ULK4: variants seen among roughly 807,000 people sequenced by gnomAD.
ULK4 encodes inactive serine/threonine-protein kinase ULK4.
ULK4 carries 133 observed loss-of-function variants against 160.6 expected under a neutral mutation model. That is an observed-to-expected ratio of 0.83 (90% CI 0.72 to 0.96). The LOEUF (loss-of-function observed/expected upper bound fraction) is 0.96, where lower values mean the gene tolerates loss of function less well. Ranked by LOEUF, ULK4 falls within the 40% of genes least tolerant of loss-of-function variation. The pLI is 0.00. For missense variants in ULK4, 1,580 were observed against 1,499.5 expected, an observed-to-expected ratio of 1.05 and a Z score of -0.89; for synonymous variants, 534 against 539.8, an observed-to-expected ratio of 0.99 and a Z score of 0.15.
intron 25 of ULK4, among the ~76,000 whole-genome samples, chr3:41,708,240 T>C (rs1162747053): frequency 1.3e-5 from 2 of 152,082 alleles, no homozygotes; most frequent in Non-Finnish European, 2.9e-5. Flanking sequence ...TGCACTCCCA[T>C]GTTCACTGCA....
chr3:41,925,646 T>C (rs925210449), intron 5 of ULK4, among the ~76,000 whole-genome samples: 1 of 151,968 alleles, frequency 6.6e-6, no homozygotes, highest in African/African-American at 2.4e-5. Context: ...CAAGCTAAGA[T>C]CCACTGGCTT....
intron 34 of ULK4, among the ~76,000 whole-genome samples, chr3:41,416,971 T>C (rs999930292): frequency 1.3e-5 from 2 of 152,086 alleles, no homozygotes; most frequent in African/African-American, 2.4e-5. Context: ...GAAATGTACA[T>C]GTGATAGGAA....
chr3:41,857,072 C>T (rs2042379584), intron 17 of ULK4, among the ~76,000 whole-genome samples: 1 of 151,012 alleles, frequency 6.6e-6, no homozygotes, highest in South Asian at 2.1e-4. Context: ...TAAGTGGCCA[C>T]TCTCTCCCTC....
At chr3:41,863,618 A>G (rs1450203190) in intron 17 of ULK4, among the ~76,000 whole-genome samples, 1 of 152,016 alleles carries the variant, frequency 6.6e-6, no homozygotes, top group Admixed American at 6.6e-5. Context: ...TGGGGGTATC[A>G]CTGCTGGTTA....
At chr3:41,466,804 G>A (rs1341730634) in intron 32 of ULK4, among the ~76,000 whole-genome samples, 2 of 152,088 alleles carry the variant, frequency 1.3e-5, no homozygotes, top group African/African-American at 4.8e-5. Flanking sequence ...ATGTGCATGT[G>A]TGTGTCCAAA....
chr3:41,692,645 T>C (rs1306126073), intron 27 of ULK4, among the ~76,000 whole-genome samples: 2 of 151,368 alleles, frequency 1.3e-5, no homozygotes. Flanking sequence ...TCAGTCATTA[T>C]TTATTTTAGT....
intron 17 of ULK4, among the ~76,000 whole-genome samples, chr3:41,869,296 A>C (rs1406617845): frequency 6.6e-6 from 1 of 152,262 alleles, no homozygotes; most frequent in Non-Finnish European, 1.5e-5. Flanking sequence ...TGGGCTATAC[A>C]GGGCACCATG....
chr3:41,306,622 G>A (rs1441796898), intron 35 of ULK4, among the ~76,000 whole-genome samples: 8 of 151,684 alleles, frequency 5.3e-5, no homozygotes, highest in South Asian at 2.1e-4. Context: ...CCCTCTGCCC[G>A]GCCACCACCC....
intron 18 of ULK4, among the ~76,000 whole-genome samples, chr3:41,833,576 G>A (rs992139503): frequency 3.9e-5 from 6 of 152,114 alleles, no homozygotes; most frequent in African/African-American, 9.7e-5. Context: ...GATTGCAGGC[G>A]TGAGCCACTG....
chr3:41,626,374 T>C (rs1473681683), intron 30 of ULK4, among the ~76,000 whole-genome samples: 1 of 152,130 alleles, frequency 6.6e-6, no homozygotes, highest in Non-Finnish European at 1.5e-5. Flanking sequence ...TGTATTTAAA[T>C]TAGGATAATT....
chr3:41,548,092 C>T (rs1256662600), intron 32 of ULK4, among the ~76,000 whole-genome samples: 1 of 152,148 alleles, frequency 6.6e-6, no homozygotes, highest in Non-Finnish European at 1.5e-5. Flanking sequence ...ATGGGCTCAT[C>T]TTGCCCGCTG....
chr3:41,538,340 T>A (rs901226702), intron 32 of ULK4, among the ~76,000 whole-genome samples: 6 of 130,036 alleles, frequency 4.6e-5, no homozygotes, highest in Non-Finnish European at 1.1e-4. Context: ...AGCAGTGTCA[T>A]GAATTTCCCT....
chr3:41,537,130 T>C (rs2086530193), intron 32 of ULK4, among the ~76,000 whole-genome samples: 1 of 152,160 alleles, frequency 6.6e-6, no homozygotes, highest in African/African-American at 2.4e-5. Context: ...TCCTCTGGTG[T>C]GGTGTCTATT....
chr3:41,566,213 C>T, intron 31 of ULK4, 83 bp from the exon 32 acceptor site: 1 of 1,057,198 alleles, frequency 9.5e-7, no homozygotes, highest in South Asian at 1.4e-5. Context: ...ATGATGTCCA[C>T]TGCTTCATTC....
chr3:41,281,151 G>T (rs1256439295), intron 35 of ULK4, among the ~76,000 whole-genome samples: 1 of 152,110 alleles, frequency 6.6e-6, no homozygotes, highest in Non-Finnish European at 1.5e-5. Context: ...TTCTGAAATT[G>T]AGGCAATAAT....
Position 41,931,850 on chromosome 3 carries a change from C to G in ULK4, c.535G>C (p.Val179Leu). 6.2e-7 allele frequency: 1 copy of G among 1,614,062 alleles called. No individual in the cohort carries two copies. The highest frequency in any genetic ancestry group is 8.5e-7 in the Non-Finnish European group (1 of 1,179,970). ...GCTTTCCAGGTCCACATACCTTTGA[C>G]TCTACTTTTCATGCTTTTCTTCAGG... is the stretch of plus-strand genomic sequence containing the variant. ...NVLKKSMKSRVKGSPVYTAPE... is the reference protein window; with the variant it reads ...NVLKKSMKSRLKGSPVYTAPE... Residue 179 changes from valine to leucine, a missense_variant, in exon 5 of 37, where the codon GTC (valine) becomes CTC (leucine). Transcript: ENST00000301831.
At chr3:41,748,303 A>G (rs1316005913) in intron 22 of ULK4, among the ~76,000 whole-genome samples, 2 of 151,680 alleles carry the variant, frequency 1.3e-5, no homozygotes, top group Admixed American at 6.6e-5. Context: ...ACACACACAC[A>G]GACACGCACA....
At chr3:41,262,780 CTG>C (rs1325312300) in intron 35 of ULK4, among the ~76,000 whole-genome samples, 2 of 152,192 alleles carry the variant, frequency 1.3e-5, no homozygotes, top group East Asian at 1.9e-4. Context: ...TGCTTAGAAA[CTG>C]TTCATAATTA....
In ULK4 at chr3:41,738,872, G is replaced by A. The variant is rs1308163681; in HGVS notation, c.2321+15489C>T. Among the ~76,000 whole-genome samples, 3 of 151,902 alleles carry A rather than the reference G, an allele frequency of 2.0e-5. 1 individual carries two copies. Among genetic ancestry groups the A allele is most frequent in the African/African-American group, 7.3e-5 (3 of 41,216 alleles). ...AGCTGAAGTAAGTAAAGGCTCTGCA[G>A]CAATTCTACAAGCTGCTGGGCCACT... On this transcript the variant is annotated intron_variant, in intron 22 of 36. Coordinates refer to ENST00000301831, the MANE Select transcript of ULK4 (RefSeq NM_017886.4).
Sources: allele counts gnomAD v4.1 joint callset (sites outside exome capture counted in the v4.1 genomes callset), GRCh38; gene constraint gnomAD v4.1.1; transcripts MANE v1.5; gene names NCBI Gene and HGNC (gene_info 2026-07-23, HGNC 2026-07-21).